PPFIBP1: variants seen among roughly 807,000 people sequenced by gnomAD.
PPFIBP1 encodes liprin-beta-1.
A neutral mutation model predicts 137.8 loss-of-function variants in PPFIBP1; 112 were observed. The observed-to-expected ratio is 0.81, with a 90% CI of 0.70 to 0.95. PPFIBP1 has a LOEUF of 0.95. PPFIBP1 is among the 40% of genes least tolerant of loss of function. PPFIBP1 has a pLI of 0.00. For missense variants in PPFIBP1, 1,083 were observed against 1,196.6 expected (o/e 0.91, Z 1.40); for synonymous variants, 378 against 417.3 (o/e 0.91, Z 1.15).
At chr12:27,551,004 T>TTTTTA (rs1327405240) in intron 1 of PPFIBP1, among the ~76,000 whole-genome samples, 56 of 150,062 alleles carry the variant, frequency 3.7e-4, no homozygotes, top group Non-Finnish European at 6.7e-4. Flanking sequence ...TTTTTTTTTT[T>TTTTTA]AACAAACGTG....
rs773152442 is a variant in PPFIBP1 at position 27,676,603 on chromosome 12, C to T, written c.1582+4C>T. 37 of 1,558,594 alleles carry T rather than the reference C, an allele frequency of 2.4e-5. No homozygotes were observed. The highest frequency in any genetic ancestry group is 7.6e-5 in the Admixed American group (4 of 52,828). On this transcript the variant is annotated splice_donor_region_variant and intron_variant, in intron 18 of 29. Transcript: ENST00000228425. Reference sequence around the variant, plus strand: ...ACAGCAAGTGCACCAAACTTAGGTACGTATGACCAAAATGCCTTTGCCCTA... The same window carrying T: ...ACAGCAAGTGCACCAAACTTAGGTATGTATGACCAAAATGCCTTTGCCCTA...
In PPFIBP1 at chr12:27,678,805, C is replaced by T. The variant is rs548656482; in HGVS notation, c.1616-684C>T. 1.1e-4 allele frequency among the ~76,000 whole-genome samples: 16 copies of T among 140,080 alleles called. No individual in the cohort carries two copies. The South Asian group carries it at 2.0e-3, about 18-fold the overall frequency. 91.9% of individuals were successfully genotyped at this position (140,080 alleles called of 152,430 possible). ...CCAGTAGGCGGAGGTTGCAGTAAGCCGAGATCATGTCACTGCACTCCAGCC... is the reference window on the plus strand; with the variant it reads ...CCAGTAGGCGGAGGTTGCAGTAAGCTGAGATCATGTCACTGCACTCCAGCC... On this transcript the variant is annotated intron_variant, in intron 19 of 29. Transcript: ENST00000228425.
At chr12:27,603,928 C>T (rs1445075132) in intron 2 of PPFIBP1, among the ~76,000 whole-genome samples, 1 of 152,144 alleles carries the variant, frequency 6.6e-6, no homozygotes, top group East Asian at 1.9e-4. Flanking sequence ...GGAGGAGAGA[C>T]ATAGACTCCC....
chr12:27,668,452 G>A (rs1261898918), intron 13 of PPFIBP1, among the ~76,000 whole-genome samples: 3 of 152,134 alleles, frequency 2.0e-5, no homozygotes, highest in South Asian at 2.1e-4. Flanking sequence ...ATCCAGCCAG[G>A]CACATGTTGC....
At chr12:27,597,022 C>G (rs903498230) in intron 2 of PPFIBP1, among the ~76,000 whole-genome samples, 1 of 152,166 alleles carries the variant, frequency 6.6e-6, no homozygotes, top group Non-Finnish European at 1.5e-5. Flanking sequence ...CCGAAATAAA[C>G]CCATGTTCTG....
chr12:27,627,293 A>G (rs2056898425), intron 2 of PPFIBP1, among the ~76,000 whole-genome samples: 1 of 152,216 alleles, frequency 6.6e-6, no homozygotes, highest in Admixed American at 6.5e-5. Context: ...GCTTCTTGGC[A>G]GAAAAAAAAT....
At chr12:27,559,152 G>T (rs1438989600) in intron 1 of PPFIBP1, among the ~76,000 whole-genome samples, 5 of 149,986 alleles carry the variant, frequency 3.3e-5, no homozygotes, top group Admixed American at 3.3e-4. Context: ...ATAGGCATTA[G>T]CCACAACACC....
chr12:27,574,312 T>C (rs2050385579), intron 1 of PPFIBP1, among the ~76,000 whole-genome samples: 1 of 152,266 alleles, frequency 6.6e-6, no homozygotes, highest in African/African-American at 2.4e-5. Flanking sequence ...TTTTCTCAGA[T>C]GGAAACTTGG....
chr12:27,557,482 G>A (rs543616319), intron 1 of PPFIBP1, among the ~76,000 whole-genome samples: 6 of 152,048 alleles, frequency 3.9e-5, no homozygotes, highest in Non-Finnish European at 5.9e-5. Flanking sequence ...TGATCCACCC[G>A]CCTTGGCACA....
At chr12:27,602,719 G>C (rs2054128030) in intron 2 of PPFIBP1, among the ~76,000 whole-genome samples, 1 of 152,194 alleles carries the variant, frequency 6.6e-6, no homozygotes, top group African/African-American at 2.4e-5. Flanking sequence ...GTTTACATGA[G>C]CTTTTGATTA....
At chr12:27,684,710 T>C (rs1217900532) in intron 24 of PPFIBP1, among the ~76,000 whole-genome samples, 1 of 150,210 alleles carries the variant, frequency 6.7e-6, no homozygotes, top group Non-Finnish European at 1.5e-5. Context: ...TAATACTGGA[T>C]TCTCAATAAC....
intron 10 of PPFIBP1, among the ~76,000 whole-genome samples, chr12:27,659,177 C>A (rs948133305): frequency 6.6e-6 from 1 of 152,146 alleles, no homozygotes; most frequent in Non-Finnish European, 1.5e-5. Context: ...TACGAAAACT[C>A]ACGATTTTAA....
rs148593079 is a variant in PPFIBP1, at chr12:27,646,244, T to A, written c.357+96T>A. 2,517 of 936,050 alleles carry A rather than the reference T, an allele frequency of 2.7e-3. 4 individuals carry two copies. Among genetic ancestry groups the A allele is most frequent in the Non-Finnish European group, 3.7e-3 (2,211 of 594,496 alleles). The allele number at this position is 936,050 out of a possible 1,614,324, so 58.0% of individuals were successfully genotyped here. A position where few individuals can be genotyped will look rare whatever the true frequency, so the allele number is the denominator to read the frequency against. On this transcript the variant is annotated intron_variant, in intron 5 of 29. Transcript: ENST00000228425. ...TTCAGATTGCTTGCAGCAATCAGAC[T>A]GCTAATAGAAATAAGCCTGATAAGC...
intron 2 of PPFIBP1, chr12:27,592,440 A>C: frequency 2.4e-6 from 2 of 838,462 alleles, no homozygotes; most frequent in East Asian, 5.4e-5. Context: ...CAACTTTCCA[A>C]AAAGTTGAAA....
chr12:27,534,573 A>G (rs1025925170), intron 1 of PPFIBP1, among the ~76,000 whole-genome samples: 12 of 151,984 alleles, frequency 7.9e-5, no homozygotes, highest in Non-Finnish European at 1.6e-4. Context: ...AAAAAAAAAA[A>G]GAGAATGAAA....
At chr12:27,580,268 A>G (rs1448060606) in intron 2 of PPFIBP1, among the ~76,000 whole-genome samples, 1 of 152,230 alleles carries the variant, frequency 6.6e-6, no homozygotes, top group Non-Finnish European at 1.5e-5. Flanking sequence ...AAAAGTATGA[A>G]TCTTGAGCCC....
At chr12:27,647,647 T>C (rs1475472740) in intron 5 of PPFIBP1, 82 bp from the exon 6 acceptor site, 1 of 840,472 alleles carries the variant, frequency 1.2e-6, no homozygotes, top group Non-Finnish European at 1.8e-6. Flanking sequence ...TCATTCCTTT[T>C]TTTGTTCCAT....
intron 2 of PPFIBP1, among the ~76,000 whole-genome samples, chr12:27,619,107 C>A (rs910491780): frequency 3.3e-5 from 5 of 152,044 alleles, no homozygotes; most frequent in African/African-American, 1.2e-4. Flanking sequence ...CCATGACATT[C>A]AGTTTTTATA....
intron 2 of PPFIBP1, among the ~76,000 whole-genome samples, chr12:27,592,177 C>A (rs2052599713): frequency 6.6e-6 from 1 of 152,316 alleles, no homozygotes; most frequent in Non-Finnish European, 1.5e-5. Context: ...CGCAGAGAGG[C>A]TCAGGTTGGA....
Sources: gnomAD v4.1 joint callset for allele counts (sites outside exome capture counted in the v4.1 genomes callset) on GRCh38, gnomAD v4.1.1 for gene constraint, MANE v1.5 for transcripts, NCBI Gene and HGNC (gene_info 2026-07-23, HGNC 2026-07-21) for gene names.